The following CDH12 variants were observed in gnomAD, a reference collection of about 807,000 sequenced individuals.
CDH12 encodes the protein cadherin-12.
CDH12 carries 41 observed loss-of-function variants against 74.1 expected under a neutral mutation model. That is an observed-to-expected ratio of 0.55 (90% CI 0.43 to 0.72). The LOEUF (loss-of-function observed/expected upper bound fraction) is 0.72, where lower values mean the gene tolerates loss of function less well. Ranked by LOEUF, CDH12 falls within the 30% of genes least tolerant of loss-of-function variation. CDH12 has a pLI of 0.00. For synonymous variants in CDH12, 399 were observed against 355.0 expected (o/e 1.12, Z -1.39); for missense variants, 945 against 977.2 (o/e 0.97, Z 0.44).
intron 3 of CDH12, among the ~76,000 whole-genome samples, chr5:22,219,245 A>G (rs1751929701): frequency 6.6e-6 from 1 of 151,772 alleles, no homozygotes; most frequent in South Asian, 2.1e-4. Context: ...TTTGACAGGC[A>G]TGAAGATGAA....
At position 22,247,544 on chromosome 5, in the gene CDH12, G is replaced by A. The variant is rs539671588; in HGVS notation, c.-332-34901C>T. Among the ~76,000 whole-genome samples the A allele has an allele frequency of 1.6e-4, 24 of 152,136 alleles. No homozygotes were observed. In the South Asian group the frequency reaches 4.2e-3, roughly 26 times the overall value. On this transcript the variant is annotated intron_variant, in intron 3 of 14. Coordinates refer to ENST00000382254, the MANE Select transcript of CDH12 (RefSeq NM_004061.5). The stretch of plus-strand genomic sequence containing the variant: ...ACAAAAATTAACTGGGCATGGTGGC[G>A]CGTGCCTGTAGTCCCAGCTGCAGGA...
At chr5:21,762,745 T>C (rs1338838853) in intron 12 of CDH12, among the ~76,000 whole-genome samples, 1 of 152,150 alleles carries the variant, frequency 6.6e-6, no homozygotes, top group African/African-American at 2.4e-5. Flanking sequence ...ATCCTTTAAT[T>C]TATTGGACAA....
Position 22,820,163 on chromosome 5 carries a change from A to T in CDH12, c.-523+32895T>A, listed in dbSNP as rs112615734. Reference sequence around the variant, plus strand: ...CAATGCTTCACAGTAAGACCAAAAAATTAAAAATGAAAAAGGTTAAAAATA... The same window carrying T: ...CAATGCTTCACAGTAAGACCAAAAATTTAAAAATGAAAAAGGTTAAAAATA... On this transcript the variant is annotated intron_variant, in intron 1 of 14. Coordinates refer to ENST00000382254, the MANE Select transcript of CDH12 (RefSeq NM_004061.5). 2.6e-5 allele frequency among the ~76,000 whole-genome samples: 4 copies of T among 151,902 alleles called. No homozygotes were observed. In the East Asian group the frequency reaches 5.8e-4, roughly 22 times the overall value.
chr5:21,961,378 A>G (rs1756356369), intron 6 of CDH12, among the ~76,000 whole-genome samples: 1 of 151,820 alleles, frequency 6.6e-6, no homozygotes, highest in African/African-American at 2.4e-5. Flanking sequence ...CAATTTTATG[A>G]CTCTGTCTCA....
chr5:22,494,206 G>A (rs537024020), intron 2 of CDH12, among the ~76,000 whole-genome samples: 17 of 152,376 alleles, frequency 1.1e-4, no homozygotes, highest in African/African-American at 3.8e-4. Flanking sequence ...CGTCTGTGCA[G>A]TTGGTGTGTT....
At chr5:22,072,465 T>A (rs1742007164) in intron 5 of CDH12, among the ~76,000 whole-genome samples, 1 of 152,052 alleles carries the variant, frequency 6.6e-6, no homozygotes, top group African/African-American at 2.4e-5. Context: ...ATGATTTTCT[T>A]GAATTCTTCC....
intron 2 of CDH12, among the ~76,000 whole-genome samples, chr5:22,491,859 G>A (rs1746886244): frequency 3.3e-5 from 5 of 152,018 alleles, no homozygotes; most frequent in Admixed American, 2.6e-4. Context: ...AGGGCTGTTC[G>A]ACTTCTCTGG....
intron 5 of CDH12, among the ~76,000 whole-genome samples, chr5:22,049,253 A>G (rs1314535908): frequency 6.6e-6 from 1 of 152,168 alleles, no homozygotes; most frequent in Non-Finnish European, 1.5e-5. Flanking sequence ...TCCAGAATTC[A>G]GCAACTCTTA....
At chr5:21,870,094 C>T (rs1001821498) in intron 6 of CDH12, among the ~76,000 whole-genome samples, 21 of 152,168 alleles carry the variant, frequency 1.4e-4, no homozygotes, top group Non-Finnish European at 2.1e-4. Context: ...TCTTCACCTA[C>T]GGGCATCCAT....
At chr5:21,791,952 G>C (rs1746524093) in intron 10 of CDH12, among the ~76,000 whole-genome samples, 1 of 151,914 alleles carries the variant, frequency 6.6e-6, no homozygotes, top group East Asian at 1.9e-4. Flanking sequence ...GGAACTTGAT[G>C]GTACCAAATT....
intron 6 of CDH12, among the ~76,000 whole-genome samples, chr5:21,858,112 A>G (rs111747804): frequency 1.6e-3 from 245 of 151,860 alleles, no homozygotes; most frequent in African/African-American, 5.7e-3. Context: ...GAAAGGGTCT[A>G]TCTCCAAATA....
intron 1 of CDH12, among the ~76,000 whole-genome samples, chr5:22,572,880 G>C (rs964902988): frequency 3.3e-5 from 5 of 152,130 alleles, no homozygotes; most frequent in African/African-American, 4.8e-5. Context: ...AGACACAGCA[G>C]ATGAAACAAC....
intron 2 of CDH12, among the ~76,000 whole-genome samples, chr5:22,463,607 C>G (rs2551488): frequency 0.43 from 65,012 of 151,560 alleles, 14,380 homozygotes; most frequent in Admixed American, 0.61. Context: ...AAGTTGGGGT[C>G]GGAAATGTAG....
At chr5:21,936,530 T>G (rs1755081137) in intron 6 of CDH12, among the ~76,000 whole-genome samples, 1 of 152,150 alleles carries the variant, frequency 6.6e-6, no homozygotes, top group Non-Finnish European at 1.5e-5. Flanking sequence ...AATGAAGTCA[T>G]TTAAACAAAT....
chr5:22,023,203 C>A (rs758525835), intron 5 of CDH12, among the ~76,000 whole-genome samples: 3 of 152,118 alleles, frequency 2.0e-5, no homozygotes, highest in Non-Finnish European at 4.4e-5. Context: ...TCAAGCTCTT[C>A]CATGACTCAG....
chr5:22,311,478 G>A (rs1306824675), intron 3 of CDH12, among the ~76,000 whole-genome samples: 1 of 151,994 alleles, frequency 6.6e-6, no homozygotes, highest in African/African-American at 2.4e-5. Context: ...GCCTAGGAGG[G>A]TGGATCAGAG....
chr5:22,375,498 T>G (rs1368246746), intron 3 of CDH12, among the ~76,000 whole-genome samples: 1 of 151,930 alleles, frequency 6.6e-6, no homozygotes, highest in Non-Finnish European at 1.5e-5. Context: ...AGAAACAGAA[T>G]GAAGAGACAA....
intron 5 of CDH12, among the ~76,000 whole-genome samples, chr5:22,028,701 G>T (rs1443245454): frequency 9.2e-5 from 14 of 152,100 alleles, no homozygotes. Context: ...GTAATTTATA[G>T]ATTCAATGCC....
At chr5:21,869,921 T>C (rs534816003) in intron 6 of CDH12, among the ~76,000 whole-genome samples, 149 of 152,302 alleles carry the variant, frequency 9.8e-4, no homozygotes, top group African/African-American at 3.3e-3. Flanking sequence ...TTATCTTCAA[T>C]TGTACTCCCA....
Sources: allele counts gnomAD v4.1 joint callset (sites outside exome capture counted in the v4.1 genomes callset), GRCh38; gene constraint gnomAD v4.1.1; transcripts MANE v1.5; gene names NCBI Gene and HGNC (gene_info 2026-07-23, HGNC 2026-07-21).